The following CNTN4 variants were observed in gnomAD, a reference collection of about 807,000 sequenced individuals.
The protein encoded by CNTN4 is contactin 4.
In CNTN4, 77 loss-of-function variants were observed where a neutral mutation model predicts 122.5. The ratio of observed to expected loss-of-function variants is 0.63; its 90% CI spans 0.52 to 0.76. CNTN4 has a LOEUF of 0.76. Among genes scored for constraint, CNTN4 ranks in the 30% least tolerant of loss-of-function variants. The pLI, the probability that CNTN4 is intolerant of heterozygous loss-of-function variation, is 0.00. For missense variants in CNTN4, 1,256 were observed against 1,259.1 expected (o/e 1.00, Z 0.04); for synonymous variants, 512 against 447.0 (o/e 1.15, Z -1.83).
intron 3 of CNTN4, among the ~76,000 whole-genome samples, chr3:2,527,794 A>G (rs530910997): frequency 1.3e-5 from 2 of 152,282 alleles, no homozygotes; most frequent in African/African-American, 2.4e-5. Flanking sequence ...TTCAACAAAA[A>G]TAGAACAAGT....
At position 2,999,693 on chromosome 3, in the gene CNTN4, GT is replaced by G. The variant is rs1695857256; in HGVS notation, c.1486+11222del. ...AAGAAGACAAACTCCCCACACGAAGGTCTTTTATAATGACACCTAACCTCAT... is the reference window on the plus strand; with the variant it reads ...AAGAAGACAAACTCCCCACACGAAGGCTTTTATAATGACACCTAACCTCAT... On this transcript the variant is annotated intron_variant, in intron 14 of 24. Transcript: ENST00000418658. Among the ~76,000 whole-genome samples, 3 of 152,218 alleles carry G rather than the reference GT, an allele frequency of 2.0e-5. No individual in the cohort carries two copies. In the South Asian group the frequency reaches 6.2e-4, roughly 32 times the overall value.
At chr3:2,333,004 T>C (rs1276326982) in intron 2 of CNTN4, among the ~76,000 whole-genome samples, 1 of 152,202 alleles carries the variant, frequency 6.6e-6, no homozygotes, top group Non-Finnish European at 1.5e-5. Context: ...TATGTTGATG[T>C]CACTGGTTGT....
chr3:2,422,945 C>T (rs1455956020), intron 3 of CNTN4, among the ~76,000 whole-genome samples: 3 of 152,064 alleles, frequency 2.0e-5, no homozygotes, highest in East Asian at 1.9e-4. Context: ...TGTCTAGTGC[C>T]GAATTTGAAT....
At chr3:2,158,058 T>G (rs73095892) in intron 2 of CNTN4, among the ~76,000 whole-genome samples, 3,494 of 151,898 alleles carry the variant, frequency 0.023, 123 homozygotes, top group African/African-American at 0.08. Flanking sequence ...AATAGAAGCT[T>G]CCAGGATTTC....
chr3:2,188,972 G>A (rs1174102600), intron 2 of CNTN4, among the ~76,000 whole-genome samples: 1 of 152,156 alleles, frequency 6.6e-6, no homozygotes, highest in Non-Finnish European at 1.5e-5. Context: ...TATGTACACT[G>A]CAGCTGCTCT....
intron 3 of CNTN4, among the ~76,000 whole-genome samples, chr3:2,451,001 G>A (rs2048809218): frequency 6.6e-6 from 1 of 152,100 alleles, no homozygotes; most frequent in Admixed American, 6.6e-5. Flanking sequence ...GGTGAAGGGG[G>A]GCCAAGAGTG....
At chr3:2,625,279 T>C (rs2600309) in intron 4 of CNTN4, among the ~76,000 whole-genome samples, 105,301 of 152,040 alleles carry the variant, frequency 0.69, 38,162 homozygotes, top group African/African-American at 0.9. Context: ...CCTGGACATC[T>C]TGGGACCTCT....
rs986377346 is a variant in CNTN4 at position 2,693,066 on chromosome 3, C to T, written c.56-43149C>T. Among the ~76,000 whole-genome samples the T allele has an allele frequency of 2.6e-4, 40 of 152,174 alleles. 1 individual carries two copies. Among genetic ancestry groups the T allele is most frequent in the Non-Finnish European group, 4.4e-5 (3 of 68,024 alleles). On this transcript the variant is annotated intron_variant, in intron 4 of 24. Coordinates refer to ENST00000418658, the MANE Select transcript of CNTN4 (RefSeq NM_175607.3). Reference sequence around the variant, plus strand: ...TAACCAGCTATCCATTCTCCATCCACCCATCAATTCACCTTTATTTTTGAT... The same window carrying T: ...TAACCAGCTATCCATTCTCCATCCATCCATCAATTCACCTTTATTTTTGAT...
rs760002764 is a variant in CNTN4 at position 2,979,996 on chromosome 3, A to AC, written c.1359-8342dup. ...CAGCTTTCATCATGTGTTACTAAAG[A>AC]CCCCCCCAAAAGAAAAGATCAGCAT... On this transcript the variant is annotated intron_variant, in intron 13 of 24. Transcript: ENST00000418658. Among the ~76,000 whole-genome samples the AC allele has an allele frequency of 7.9e-5, 12 of 151,684 alleles. 1 individual carries two copies. The South Asian group carries it at 2.3e-3, about 29-fold the overall frequency.
intron 6 of CNTN4, among the ~76,000 whole-genome samples, chr3:2,786,248 G>A (rs2091823369): frequency 6.6e-6 from 1 of 152,214 alleles, no homozygotes; most frequent in African/African-American, 2.4e-5. Context: ...GGTGCAAGAG[G>A]CTGTCACACT....
chr3:2,380,928 CTG>C (rs1342529576), intron 3 of CNTN4, among the ~76,000 whole-genome samples: 1 of 152,036 alleles, frequency 6.6e-6, no homozygotes, highest in African/African-American at 2.4e-5. Context: ...GAATTCAACA[CTG>C]TTATTTTCTA....
chr3:2,681,558 C>G (rs1196508102), intron 4 of CNTN4, among the ~76,000 whole-genome samples: 2 of 151,994 alleles, frequency 1.3e-5, no homozygotes, highest in African/African-American at 4.8e-5. Context: ...TCCAATGGAC[C>G]CCAACCTAAA....
chr3:2,885,190 A>G (rs527619729), intron 9 of CNTN4, among the ~76,000 whole-genome samples: 22 of 152,342 alleles, frequency 1.4e-4, no homozygotes, highest in African/African-American at 4.6e-4. Flanking sequence ...TGAAAAATAA[A>G]TAAGTAAATA....
chr3:3,045,353 G>A (rs977670500), intron 23 of CNTN4, among the ~76,000 whole-genome samples: 1 of 152,182 alleles, frequency 6.6e-6, no homozygotes, highest in African/African-American at 2.4e-5. Context: ...CCTGACCCCC[G>A]AGTAGCCTAA....
intron 13 of CNTN4, among the ~76,000 whole-genome samples, chr3:2,930,628 A>AGGTATAG (rs554380103): frequency 3.5e-4 from 53 of 152,350 alleles, no homozygotes; most frequent in African/African-American, 1.1e-3. Context: ...GATAATAAGC[A>AGGTATAG]GGTATAGGTA....
chr3:2,584,636 G>C (rs1005919123), intron 4 of CNTN4, among the ~76,000 whole-genome samples: 1 of 138,400 alleles, frequency 7.2e-6, no homozygotes, highest in Non-Finnish European at 1.5e-5. Context: ...GGTGGAGGTT[G>C]CAGTGAGCTG....
At chr3:2,126,331 A>G (rs1180333556) in intron 2 of CNTN4, among the ~76,000 whole-genome samples, 1 of 152,164 alleles carries the variant, frequency 6.6e-6, no homozygotes. Flanking sequence ...AGTACATGGC[A>G]CATTTCAGGG....
At chr3:2,867,008 GTATGT>G in intron 8 of CNTN4, 59 bp downstream of exon 8, 3 of 1,445,998 alleles carry the variant, frequency 2.1e-6, no homozygotes, top group Non-Finnish European at 2.9e-6. Flanking sequence ...GAATGTGGAG[GTATGT>G]TATGTTGTTG....
chr3:2,361,551 A>T (rs1455190234), intron 3 of CNTN4, among the ~76,000 whole-genome samples: 9 of 152,330 alleles, frequency 5.9e-5, no homozygotes, highest in Middle Eastern at 6.8e-3. Flanking sequence ...TGGCATTGTT[A>T]GCTCATACAT....
Sources: gnomAD v4.1 joint callset for allele counts (sites outside exome capture counted in the v4.1 genomes callset) on GRCh38, gnomAD v4.1.1 for gene constraint, MANE v1.5 for transcripts, NCBI Gene and HGNC (gene_info 2026-07-23, HGNC 2026-07-21) for gene names.